The following DAB1 variants were observed in gnomAD, a reference collection of about 807,000 sequenced individuals.
DAB1 encodes the protein disabled homolog 1.
DAB1 carries 15 observed loss-of-function variants against 64.6 expected under a neutral mutation model. The ratio of observed to expected loss-of-function variants is 0.23; its 90% CI spans 0.16 to 0.36. The LOEUF is 0.36. Ranked by LOEUF, DAB1 falls within the 10% of genes least tolerant of loss-of-function variation. The probability of loss-of-function intolerance (pLI) is 1.00; values close to 1 mark genes in which losing one functional copy is unlikely to be tolerated. For missense variants in DAB1, 596 were observed against 706.7 expected (o/e 0.84, Z 1.78); for synonymous variants, 235 against 251.9 (o/e 0.93, Z 0.64).
intron 1 of DAB1, among the ~76,000 whole-genome samples, chr1:57,877,785 C>G (rs1318485959): frequency 4.0e-5 from 1 of 25,098 alleles, no homozygotes; most frequent in Admixed American, 4.7e-4. Flanking sequence ...AGGATGGTCT[C>G]GATCTCCTGA....
At chr1:57,469,969 A>T (rs1305837129) in intron 7 of DAB1, among the ~76,000 whole-genome samples, 1 of 152,242 alleles carries the variant, frequency 6.6e-6, no homozygotes, top group Non-Finnish European at 1.5e-5. Context: ...ATTATTTCAT[A>T]TAACACCTAT....
chr1:57,921,114 G>T (rs2102022655), intron 5 of DAB1, among the ~76,000 whole-genome samples: 1 of 151,102 alleles, frequency 6.6e-6, no homozygotes, highest in South Asian at 2.1e-4. Context: ...TTGTTACATT[G>T]TTAGGAAAAT....
chr1:57,268,182 G>A (rs1232994071), intron 2 of DAB1, among the ~76,000 whole-genome samples: 1 of 152,140 alleles, frequency 6.6e-6, no homozygotes, highest in African/African-American at 2.4e-5. Context: ...CAGGGAACAG[G>A]CGGTGTGCAC....
intron 5 of DAB1, among the ~76,000 whole-genome samples, chr1:58,001,952 T>G (rs997335): frequency 0.64 from 97,665 of 151,980 alleles, 32,316 homozygotes; most frequent in East Asian, 0.97. Flanking sequence ...TATAAAGATG[T>G]AGGCAGAGGT....
At chr1:57,974,517 G>GATAT (rs1557588992) in intron 5 of DAB1, among the ~76,000 whole-genome samples, 1 of 151,630 alleles carries the variant, frequency 6.6e-6, no homozygotes, top group Non-Finnish European at 1.5e-5. Flanking sequence ...TAGATAGATA[G>GATAT]ATATATAATA....
chr1:58,025,686 T>TATATATA (rs57591507), intron 5 of DAB1, among the ~76,000 whole-genome samples: 1 of 138,948 alleles, frequency 7.2e-6, no homozygotes. Flanking sequence ...TATATATATA[T>TATATATA]GGCCTTTAAT....
intron 7 of DAB1, among the ~76,000 whole-genome samples, chr1:57,449,906 A>G (rs1686287864): frequency 6.6e-6 from 1 of 152,232 alleles, no homozygotes; most frequent in Non-Finnish European, 1.5e-5. Context: ...TGTTTAGAGC[A>G]TTAACTATAT....
chr1:57,563,499 C>T (rs1024103564), intron 7 of DAB1, among the ~76,000 whole-genome samples: 2 of 152,170 alleles, frequency 1.3e-5, no homozygotes, highest in Non-Finnish European at 2.9e-5. Flanking sequence ...GGCATTACCT[C>T]ACCCAGGAAG....
At chr1:57,547,540 T>C (rs1465033025) in intron 7 of DAB1, among the ~76,000 whole-genome samples, 2 of 152,214 alleles carry the variant, frequency 1.3e-5, no homozygotes, top group Non-Finnish European at 2.9e-5. Flanking sequence ...TGACAGCTGA[T>C]GTTACCAAAC....
intron 6 of DAB1, among the ~76,000 whole-genome samples, chr1:57,653,810 C>T (rs1419725283): frequency 2.0e-5 from 3 of 152,090 alleles, no homozygotes; most frequent in East Asian, 3.9e-4. Flanking sequence ...ACGGGGTTCG[C>T]CATGTTGGCC....
intron 5 of DAB1, among the ~76,000 whole-genome samples, chr1:57,998,036 G>A (rs1646452790): frequency 6.6e-6 from 1 of 152,100 alleles, no homozygotes. Flanking sequence ...AAGGTAGGAG[G>A]GGAATGAAAG....
chr1:58,106,831 C>T (rs1651669803), intron 5 of DAB1, among the ~76,000 whole-genome samples: 2 of 148,390 alleles, frequency 1.3e-5, no homozygotes, highest in African/African-American at 2.5e-5. Flanking sequence ...GCCTTCCCTC[C>T]CTCCCTCCTT....
chr1:58,055,103 C>G (rs950497636), intron 5 of DAB1, among the ~76,000 whole-genome samples: 1 of 152,202 alleles, frequency 6.6e-6, no homozygotes. Context: ...GACTCTTATT[C>G]CCATTTAACA....
intron 5 of DAB1, among the ~76,000 whole-genome samples, chr1:57,939,031 C>G (rs1557566469): frequency 6.6e-6 from 1 of 152,124 alleles, no homozygotes; most frequent in Non-Finnish European, 1.5e-5. Flanking sequence ...CAGCAGAACA[C>G]CGTAGACAGG....
At chr1:57,273,824 T>C (rs61767362) in intron 2 of DAB1, among the ~76,000 whole-genome samples, 11,176 of 151,986 alleles carry the variant, frequency 0.074, 444 homozygotes, top group African/African-American at 0.1. Context: ...CTGTTGACAA[T>C]GGAGCCTAGT....
chr1:57,325,429 C>T (rs1187692463), intron 1 of DAB1, among the ~76,000 whole-genome samples: 1 of 152,192 alleles, frequency 6.6e-6, no homozygotes, highest in East Asian at 1.9e-4. Flanking sequence ...ACTTTGGTTT[C>T]TCCACCTTAC....
At chr1:57,342,770 G>C (rs577617757) in intron 1 of DAB1, among the ~76,000 whole-genome samples, 1 of 149,652 alleles carries the variant, frequency 6.7e-6, no homozygotes, top group East Asian at 1.9e-4. Flanking sequence ...GTGAAGCTGC[G>C]GACCTTCGCG....
At chr1:57,918,764 C>T (rs1430550176) in intron 5 of DAB1, among the ~76,000 whole-genome samples, 3 of 152,000 alleles carry the variant, frequency 2.0e-5, no homozygotes, top group East Asian at 1.9e-4. Flanking sequence ...GCAGAGCTTG[C>T]GGTGAGCAGA....
intron 3 of DAB1, among the ~76,000 whole-genome samples, chr1:58,376,126 C>T (rs570209292): frequency 6.6e-6 from 1 of 152,002 alleles, no homozygotes; most frequent in Non-Finnish European, 1.5e-5. Flanking sequence ...TTTCAAAAAA[C>T]CAGCTCCTGG....
Sources: gnomAD v4.1 joint callset for allele counts (sites outside exome capture counted in the v4.1 genomes callset) on GRCh38, gnomAD v4.1.1 for gene constraint, MANE v1.5 for transcripts, NCBI Gene and HGNC (gene_info 2026-07-23, HGNC 2026-07-21) for gene names.